The following CHRM3 variants were observed in gnomAD, a reference collection of about 807,000 sequenced individuals.
CHRM3 encodes the protein cholinergic receptor muscarinic 3.
Under a neutral mutation model 41.8 loss-of-function variants are expected in CHRM3, and 11 were observed. The ratio of observed to expected loss-of-function variants is 0.26; its 90% CI spans 0.17 to 0.44. CHRM3 has a LOEUF of 0.44. Among genes scored for constraint, CHRM3 ranks in the 20% least tolerant of loss-of-function variants. The pLI, the probability that CHRM3 is intolerant of heterozygous loss-of-function variation, is 1.00. For synonymous variants in CHRM3, 297 were observed against 301.4 expected (o/e 0.99, Z 0.15); for missense variants, 571 against 745.4 (o/e 0.77, Z 2.72).
chr1:239,894,664 C>T (rs1450600355), intron 6 of CHRM3, among the ~76,000 whole-genome samples: 4 of 152,026 alleles, frequency 2.6e-5, no homozygotes, highest in Admixed American at 2.6e-4. Context: ...AACTCATGCG[C>T]TCAAGTGATC....
chr1:239,552,679 C>T (rs563631874), intron 3 of CHRM3, among the ~76,000 whole-genome samples: 3 of 147,098 alleles, frequency 2.0e-5, no homozygotes, highest in Admixed American at 1.4e-4. Flanking sequence ...TTTGTAGAGA[C>T]GGGGTTTCAC....
At chr1:239,804,539 C>T (rs1190446853) in intron 5 of CHRM3, among the ~76,000 whole-genome samples, 1 of 152,162 alleles carries the variant, frequency 6.6e-6, no homozygotes, top group Non-Finnish European at 1.5e-5. Flanking sequence ...GACGTCTTCA[C>T]TTGGATCAGA....
intron 6 of CHRM3, among the ~76,000 whole-genome samples, chr1:239,843,691 C>A (rs952118975): frequency 6.6e-6 from 1 of 152,018 alleles, no homozygotes; most frequent in Non-Finnish European, 1.5e-5. Context: ...ACTTTAATTG[C>A]TGACATAGAA....
intron 6 of CHRM3, among the ~76,000 whole-genome samples, chr1:239,902,611 G>T (rs1411926635): frequency 1.3e-5 from 2 of 152,144 alleles, no homozygotes; most frequent in African/African-American, 4.8e-5. Context: ...TTAGTAGTGT[G>T]CTTTGCTTAA....
chr1:239,806,444 C>CACACA (rs1558138860), intron 5 of CHRM3, among the ~76,000 whole-genome samples: 8 of 123,036 alleles, frequency 6.5e-5, no homozygotes, highest in South Asian at 4.7e-4. Flanking sequence ...ACACACACAC[C>CACACA]CCTGTGGACA....
chr1:239,392,190 C>T (rs979873533), intron 1 of CHRM3, among the ~76,000 whole-genome samples: 1 of 152,170 alleles, frequency 6.6e-6, no homozygotes, highest in African/African-American at 2.4e-5. Context: ...GTGTGACAAA[C>T]CCTTGGACCT....
intron 5 of CHRM3, among the ~76,000 whole-genome samples, chr1:239,691,625 A>G (rs980172239): frequency 5.6e-4 from 85 of 152,310 alleles, no homozygotes; most frequent in African/African-American, 1.9e-3. Context: ...ATAGTTATTC[A>G]TCAGTTTTAA....
intron 3 of CHRM3, among the ~76,000 whole-genome samples, chr1:239,563,406 A>C (rs1435908285): frequency 6.6e-6 from 1 of 152,198 alleles, no homozygotes; most frequent in East Asian, 1.9e-4. Flanking sequence ...TGTCCCTAAA[A>C]TGACCAATAT....
At chr1:239,637,450 T>G (rs1254823852) in intron 4 of CHRM3, among the ~76,000 whole-genome samples, 6 of 151,552 alleles carry the variant, frequency 4.0e-5, no homozygotes, top group Non-Finnish European at 8.8e-5. Context: ...TGAAATTCCT[T>G]GATCAAATGG....
intron 1 of CHRM3, among the ~76,000 whole-genome samples, chr1:239,443,137 C>A (rs1247265331): frequency 6.6e-6 from 1 of 152,076 alleles, no homozygotes; most frequent in Admixed American, 6.5e-5. Context: ...TTACAAAAGT[C>A]TGAGGTAATT....
chr1:239,868,096 C>T (rs1106504), intron 6 of CHRM3, among the ~76,000 whole-genome samples: 18,494 of 152,242 alleles, frequency 0.12, 1,413 homozygotes, highest in African/African-American at 0.2. Flanking sequence ...CTCCTTGAAT[C>T]GCACACACTG....
At position 239,581,098 on chromosome 1, in the gene CHRM3, G is replaced by A. The variant is rs13313077; in HGVS notation, c.-313+35349G>A. On this transcript the variant is annotated intron_variant, in intron 3 of 6. Transcript: ENST00000676153. ...GTTCATTTTAATTTAGGATTTCTTGGTAGGAAGGGAGAACATGCAGCATAC... is the reference window on the plus strand; with the variant it reads ...GTTCATTTTAATTTAGGATTTCTTGATAGGAAGGGAGAACATGCAGCATAC... 4.3e-3 allele frequency among the ~76,000 whole-genome samples: 660 copies of A among 152,048 alleles called. 3 individuals are homozygous for A. Among genetic ancestry groups the A allele is most frequent in the African/African-American group, 0.015 (621 of 41,484 alleles).
chr1:239,744,623 T>G (rs1246989576), intron 5 of CHRM3, among the ~76,000 whole-genome samples: 1 of 152,162 alleles, frequency 6.6e-6, no homozygotes, highest in Non-Finnish European at 1.5e-5. Flanking sequence ...TCACTGAGAC[T>G]GGGAAGACGA....
intron 4 of CHRM3, among the ~76,000 whole-genome samples, chr1:239,641,670 A>C (rs1671168409): frequency 6.9e-6 from 1 of 145,868 alleles, no homozygotes; most frequent in Non-Finnish European, 1.5e-5. Context: ...TCTGCACGTG[A>C]GATGGGTTTC....
At chr1:239,411,724 A>AAAC (rs1460618824) in intron 1 of CHRM3, among the ~76,000 whole-genome samples, 1 of 85,652 alleles carries the variant, frequency 1.2e-5, no homozygotes, top group Non-Finnish European at 2.4e-5. Flanking sequence ...CTGTCTCAAA[A>AAAC]AAAAAAAAAA....
At chr1:239,789,801 AG>A (rs1396408014) in intron 5 of CHRM3, among the ~76,000 whole-genome samples, 1 of 152,210 alleles carries the variant, frequency 6.6e-6, no homozygotes, top group African/African-American at 2.4e-5. Flanking sequence ...AGGGTTGGAA[AG>A]ACAAACATCC....
chr1:239,588,793 G>T (rs1273256572), intron 3 of CHRM3, among the ~76,000 whole-genome samples: 1 of 152,118 alleles, frequency 6.6e-6, no homozygotes, highest in East Asian at 1.9e-4. Flanking sequence ...TGAATATGTA[G>T]AACAGTGGAA....
chr1:239,684,944 T>G (rs184365344), intron 5 of CHRM3, among the ~76,000 whole-genome samples: 54 of 152,196 alleles, frequency 3.5e-4, no homozygotes, highest in Middle Eastern at 3.4e-3. Context: ...TGAGGACATG[T>G]ATTTAAAAGT....
chr1:239,792,016 C>G (rs563415557), intron 5 of CHRM3, among the ~76,000 whole-genome samples: 15 of 152,304 alleles, frequency 9.8e-5, no homozygotes, highest in African/African-American at 3.6e-4. Context: ...GAGAAGGAGA[C>G]GCATTTGGAC....
Sources: gnomAD v4.1 joint callset for allele counts (sites outside exome capture counted in the v4.1 genomes callset) on GRCh38, gnomAD v4.1.1 for gene constraint, MANE v1.5 for transcripts, NCBI Gene and HGNC (gene_info 2026-07-23, HGNC 2026-07-21) for gene names.